ARIH2: variants seen among roughly 807,000 people sequenced by gnomAD.
ARIH2 encodes the protein ariadne RBR E3 ubiquitin protein ligase 2.
A neutral mutation model predicts 79.8 loss-of-function variants in ARIH2; 12 were observed. That is an observed-to-expected ratio of 0.15 (90% CI 0.10 to 0.24). The LOEUF (loss-of-function observed/expected upper bound fraction) is 0.24. Ranked by LOEUF, ARIH2 falls within the 10% of genes least tolerant of loss-of-function variation. ARIH2 has a pLI of 1.00. For missense variants in ARIH2, 301 were observed against 618.3 expected (o/e 0.49, Z 5.44); for synonymous variants, 224 against 213.9 (o/e 1.05, Z -0.41).
intron 11 of ARIH2, among the ~76,000 whole-genome samples, chr3:48,975,494 C>T (rs2092447211): frequency 6.6e-6 from 1 of 152,088 alleles, no homozygotes; most frequent in Non-Finnish European, 1.5e-5. Context: ...AGAATCCCTT[C>T]AAGTAGAAAA....
At chr3:48,968,487 G>A in intron 6 of ARIH2, 47 bp from the exon 7 acceptor site, 1 of 1,582,572 alleles carries the variant, frequency 6.3e-7, no homozygotes, top group Non-Finnish European at 8.6e-7. Context: ...GGGATTACAG[G>A]CATGAGCTAT....
At chr3:48,950,541 A>G (rs1440489403) in intron 3 of ARIH2, among the ~76,000 whole-genome samples, 1 of 152,216 alleles carries the variant, frequency 6.6e-6, no homozygotes, top group Non-Finnish European at 1.5e-5. Flanking sequence ...CAGATTTTGC[A>G]ATCAACTATT....
At position 48,967,242 on chromosome 3, in the gene ARIH2, T is replaced by G. The variant is rs1296781414; in HGVS notation, c.505T>G (p.Cys169Gly). The change falls in exon 6 of 16, where the codon TGC (cysteine) becomes GGC (glycine). Residue 169 changes from cysteine (C) to glycine (G), a missense_variant. By Grantham distance (159) the Cys-to-Gly change is radical (BLOSUM62 -3). Around this residue, in one of 2 missense-constraint regions of ARIH2, gnomAD observed 223 missense variants for 349.4 expected, o/e 0.64. Transcript: ENST00000356401. ...QFCRSCWEQH[C>G]SVLVKDGVGV... Reference sequence around the variant, plus strand: ...TTGCCGCAGCTGCTGGGAGCAGCACTGCTCAGTTCTCGTCAAGGACGGCGT... The same window carrying G: ...TTGCCGCAGCTGCTGGGAGCAGCACGGCTCAGTTCTCGTCAAGGACGGCGT... The G allele has an allele frequency of 6.2e-7, 1 of 1,614,064 alleles. No individual in the cohort carries two copies. The highest frequency in any genetic ancestry group is 8.5e-7 in the Non-Finnish European group (1 of 1,180,018).
intron 4 of ARIH2, 37 bp from the exon 5 acceptor site, chr3:48,964,882 C>T (rs1336639074): frequency 4.5e-6 from 7 of 1,563,358 alleles, no homozygotes; most frequent in Non-Finnish European, 6.2e-6. Flanking sequence ...ATGTCTTTAG[C>T]TTCTGATTGC....
intron 2 of ARIH2, 64 bp from the exon 3 acceptor site, chr3:48,927,398 A>C: frequency 1.2e-6 from 1 of 839,240 alleles, no homozygotes; most frequent in Non-Finnish European, 1.8e-6. Flanking sequence ...TTGATTCTTG[A>C]ATGGTTTCTG....
At chr3:48,929,093 A>G (rs866654545) in intron 3 of ARIH2, among the ~76,000 whole-genome samples, 2 of 152,358 alleles carry the variant, frequency 1.3e-5, no homozygotes, top group South Asian at 2.1e-4. Flanking sequence ...GTCAGGTTAT[A>G]TACAATGTTG....
chr3:48,972,859 C>T (rs2092313611), intron 8 of ARIH2, among the ~76,000 whole-genome samples: 1 of 152,146 alleles, frequency 6.6e-6, no homozygotes, highest in South Asian at 2.1e-4. Context: ...GGACTACAGA[C>T]ACATAGCACT....
chr3:48,936,357 C>G (rs1012738997), intron 3 of ARIH2, among the ~76,000 whole-genome samples: 1 of 152,190 alleles, frequency 6.6e-6, no homozygotes, highest in Non-Finnish European at 1.5e-5. Context: ...AACTTTATTT[C>G]TTAAACTGAC....
intron 4 of ARIH2, among the ~76,000 whole-genome samples, chr3:48,963,027 C>T (rs2091433250): frequency 6.6e-6 from 1 of 152,126 alleles, no homozygotes; most frequent in Non-Finnish European, 1.5e-5. Flanking sequence ...TGCCACCATG[C>T]CTGGTTAATT....
At chr3:48,962,708 T>C (rs1272829792) in intron 4 of ARIH2, among the ~76,000 whole-genome samples, 1 of 152,164 alleles carries the variant, frequency 6.6e-6, no homozygotes, top group Non-Finnish European at 1.5e-5. Context: ...ATCCCTGGGC[T>C]CTATTAGAAG....
chr3:48,927,643 G>C lies in ARIH2; in HGVS notation c.85G>C (p.Glu29Gln). The part of the protein sequence containing the change: ...PNCEEEEEEE[E>Q]DDPGDIEDYY... ...TTGTGAGGAAGAGGAAGAAGAAGAA[G>C]AAGACGACCCTGGGGACATAGAGGA... The change falls in exon 3 of 16, where the codon GAA (glutamate) becomes CAA (glutamine). Residue 29 changes from glutamate to glutamine, a missense_variant. Around this residue, in one of 2 missense-constraint regions of ARIH2, gnomAD observed 223 missense variants for 349.4 expected, o/e 0.64. Coordinates refer to ENST00000356401, the MANE Select transcript of ARIH2 (RefSeq NM_006321.4). The C allele has an allele frequency of 6.2e-7, 1 of 1,613,866 alleles. No homozygotes were observed. Among genetic ancestry groups the C allele is most frequent in the Non-Finnish European group, 8.5e-7 (1 of 1,179,892 alleles).
intron 3 of ARIH2, among the ~76,000 whole-genome samples, chr3:48,942,105 CAGTTA>C (rs1323015441): frequency 2.0e-5 from 3 of 149,504 alleles, no homozygotes; most frequent in South Asian, 2.1e-4. Context: ...AGCTGGAGTG[CAGTTA>C]AGTTATCTTA....
chr3:48,932,130 T>C (rs572879538), intron 3 of ARIH2, among the ~76,000 whole-genome samples: 3 of 152,302 alleles, frequency 2.0e-5, no homozygotes, highest in Middle Eastern at 3.4e-3. Flanking sequence ...AAAGTCATTA[T>C]TGAGAGAGGA....
chr3:48,931,765 C>T (rs1009540789), intron 3 of ARIH2, among the ~76,000 whole-genome samples: 19 of 151,994 alleles, frequency 1.3e-4, no homozygotes, highest in Middle Eastern at 3.2e-3. Context: ...GCCTGTAATC[C>T]GAGTACTTTG....
rs146355462 is a variant in ARIH2, at chr3:48,934,704, G to T, written c.255+6891G>T. On this transcript the variant is annotated intron_variant, in intron 3 of 15. Transcript: ENST00000356401. ...ATGTGTAAATTCATTTTTAAAAGGC[G>T]ATGAGAAATGTCCAGAGTGACATTG... The T allele has an allele frequency of 8.6e-4, 848 of 985,396 alleles. 1 individual carries two copies. The African/African-American group carries it at 0.012, about 14-fold the overall frequency. The allele number at this position is 985,396 out of a possible 1,614,324, so 61.0% of individuals were successfully genotyped here.
chr3:48,955,706 T>G (rs1222861069), intron 3 of ARIH2, among the ~76,000 whole-genome samples: 3 of 152,178 alleles, frequency 2.0e-5, no homozygotes, highest in Non-Finnish European at 2.9e-5. Flanking sequence ...TTTTTACCTT[T>G]AATCTGGCTT....
intron 11 of ARIH2, among the ~76,000 whole-genome samples, chr3:48,975,325 A>C (rs890133387): frequency 6.6e-6 from 1 of 152,190 alleles, no homozygotes; most frequent in Non-Finnish European, 1.5e-5. Context: ...CGTTGTAGAT[A>C]CCTTTACCAG....
intron 3 of ARIH2, among the ~76,000 whole-genome samples, chr3:48,949,454 A>G (rs889763824): frequency 1.3e-5 from 2 of 152,158 alleles, no homozygotes; most frequent in Admixed American, 1.3e-4. Flanking sequence ...TGGCTCTACT[A>G]CTTTACATTC....
At chr3:48,966,613 A>T (rs2091813855) in intron 5 of ARIH2, among the ~76,000 whole-genome samples, 1 of 152,160 alleles carries the variant, frequency 6.6e-6, no homozygotes, top group East Asian at 1.9e-4. Flanking sequence ...GGGTACGTCG[A>T]TATAGTGAAA....
Sources: allele counts gnomAD v4.1 joint callset (sites outside exome capture counted in the v4.1 genomes callset), GRCh38; gene constraint gnomAD v4.1.1; regional missense constraint gnomAD v4.1.1; transcripts MANE v1.5; gene names NCBI Gene and HGNC (gene_info 2026-07-23, HGNC 2026-07-21).